Variants in MRPL1 observed in about 807,000 individuals in gnomAD.
MRPL1 encodes the protein mitochondrial ribosomal protein L1.
A neutral mutation model predicts 38.0 loss-of-function variants in MRPL1; 28 were observed. The ratio of observed to expected loss-of-function variants is 0.74; its 90% CI spans 0.55 to 1.01. MRPL1 has a LOEUF of 1.01. Among genes scored for constraint, MRPL1 ranks in the 50% least tolerant of loss-of-function variants. The probability of loss-of-function intolerance (pLI) is 0.00; values close to 1 mark genes in which losing one functional copy is unlikely to be tolerated. For missense variants in MRPL1, 358 were observed against 389.8 expected (o/e 0.92, Z 0.69); for synonymous variants, 123 against 126.7 (o/e 0.97, Z 0.20).
chr4:77,947,670 A>G (rs1737301636), intron 7 of MRPL1, among the ~76,000 whole-genome samples: 1 of 152,168 alleles, frequency 6.6e-6, no homozygotes, highest in Non-Finnish European at 1.5e-5. Context: ...TGTCATCCCA[A>G]ATGAATTTCG....
At position 77,885,302 on chromosome 4, in the gene MRPL1, T is replaced by G. The variant is rs1367573669; in HGVS notation, c.449T>G (p.Phe150Cys). 1.9e-6 allele frequency: 3 copies of G among 1,614,034 alleles called. No individual in the cohort carries two copies. Among genetic ancestry groups the G allele is most frequent in the Non-Finnish European group, 2.5e-6 (3 of 1,179,872 alleles). Residue 150 changes from phenylalanine to cysteine, a missense_variant, in exon 4 of 9, where the codon TTT (phenylalanine) becomes TGT (cysteine). Transcript: ENST00000315567. ...FTSVLSLPYP[F>C]ASEINKVAVF... ...AGTGTTCTTAGTTTGCCATACCCAT[T>G]TGCTTCCGAAATCAATAAAGTTGCT...
At chr4:77,914,143 A>G (rs998538477) in intron 7 of MRPL1, among the ~76,000 whole-genome samples, 15 of 152,256 alleles carry the variant, frequency 9.9e-5, no homozygotes, top group Non-Finnish European at 1.9e-4. Context: ...ATAAAAAAGA[A>G]TAAACTAAGG....
chr4:77,874,418 T>G (rs1307500205), intron 2 of MRPL1, among the ~76,000 whole-genome samples: 1 of 152,188 alleles, frequency 6.6e-6, no homozygotes. Context: ...TGAGGCACAT[T>G]TTTCTTTCCA....
chr4:77,908,683 C>T (rs368968017), intron 6 of MRPL1, among the ~76,000 whole-genome samples: 9 of 152,166 alleles, frequency 5.9e-5, no homozygotes, highest in African/African-American at 2.2e-4. Flanking sequence ...TTGCTTGAAA[C>T]AACACGCATT....
intron 7 of MRPL1, among the ~76,000 whole-genome samples, chr4:77,911,484 T>G (rs1736286694): frequency 6.6e-6 from 1 of 152,122 alleles, no homozygotes; most frequent in South Asian, 2.1e-4. Context: ...TTTTGAACAC[T>G]TAGTATTGCA....
chr4:77,918,681 T>C (rs1016799683), intron 7 of MRPL1, among the ~76,000 whole-genome samples: 49 of 151,932 alleles, frequency 3.2e-4, no homozygotes, highest in Admixed American at 3.1e-3. Context: ...GGGGAGAGAT[T>C]TGGGGAGAAA....
chr4:77,908,876 C>T (rs1368046262), intron 6 of MRPL1, among the ~76,000 whole-genome samples: 1 of 152,208 alleles, frequency 6.6e-6, no homozygotes. Flanking sequence ...CTGTAGGCTG[C>T]TGGACACAGG....
At chr4:77,916,185 T>A (rs1454736432) in intron 7 of MRPL1, among the ~76,000 whole-genome samples, 1 of 152,220 alleles carries the variant, frequency 6.6e-6, no homozygotes, top group African/African-American at 2.4e-5. Flanking sequence ...AGTAATTAAA[T>A]AATTTTAAAA....
chr4:77,880,864 A>G (rs1394562609), intron 2 of MRPL1, among the ~76,000 whole-genome samples: 1 of 152,180 alleles, frequency 6.6e-6, no homozygotes, highest in Non-Finnish European at 1.5e-5. Context: ...GGTTTGATGG[A>G]TATCTCTGAT....
chr4:77,946,551 T>C (rs1737275376), intron 7 of MRPL1, among the ~76,000 whole-genome samples: 1 of 152,222 alleles, frequency 6.6e-6, no homozygotes, highest in Non-Finnish European at 1.5e-5. Flanking sequence ...TCACAATTTA[T>C]GTTCAGAGAT....
chr4:77,921,772 GT>G (rs36001019), intron 7 of MRPL1, among the ~76,000 whole-genome samples: 25,879 of 143,738 alleles, frequency 0.18, 2,586 homozygotes, highest in African/African-American at 0.28. Context: ...TTCGTGCAGA[GT>G]TTTTTTTTTT....
chr4:77,862,969 C>A lies in MRPL1; in HGVS notation c.31+90C>A, dbSNP rs113848357. The A allele has an allele frequency of 2.4e-5, 36 of 1,492,478 alleles. 1 individual carries two copies. The African/African-American group carries it at 2.8e-4, about 12-fold the overall frequency. The allele number at this position is 1,492,478 out of a possible 1,614,324, so 92.5% of individuals were successfully genotyped here. ...TGCAAGGCGGATTCTGCTCTGGGTGCTGAAAATGCCTCGTGCTGTTTCTGG... is the reference window on the plus strand; with the variant it reads ...TGCAAGGCGGATTCTGCTCTGGGTGATGAAAATGCCTCGTGCTGTTTCTGG... On this transcript the variant is annotated intron_variant, in intron 1 of 8. Transcript: ENST00000315567.
chr4:77,903,940 G>A (rs1279619496), intron 6 of MRPL1, among the ~76,000 whole-genome samples: 1 of 151,994 alleles, frequency 6.6e-6, no homozygotes, highest in African/African-American at 2.4e-5. Context: ...AGAGAACCTA[G>A]AATGGAAAAA....
chr4:77,945,649 A>G (rs905376), intron 7 of MRPL1, among the ~76,000 whole-genome samples: 35,495 of 151,850 alleles, frequency 0.23, 5,230 homozygotes, highest in East Asian at 0.47. Context: ...AGAAATAAAG[A>G]GTATAAAGAG....
chr4:77,905,845 G>C (rs894263766), intron 6 of MRPL1, among the ~76,000 whole-genome samples: 1 of 152,074 alleles, frequency 6.6e-6, no homozygotes, highest in African/African-American at 2.4e-5. Context: ...TACATCATCA[G>C]TATGATATCA....
chr4:77,905,765 T>G (rs977036863), intron 6 of MRPL1, among the ~76,000 whole-genome samples: 2 of 152,176 alleles, frequency 1.3e-5, no homozygotes, highest in African/African-American at 4.8e-5. Context: ...GACCTTCACT[T>G]TAGTATGTTT....
intron 5 of MRPL1, among the ~76,000 whole-genome samples, chr4:77,889,324 C>A (rs188678436): frequency 5.3e-4 from 81 of 152,276 alleles, no homozygotes; most frequent in African/African-American, 1.9e-3. Context: ...AGGATTAAGA[C>A]ACTCACTCAA....
At chr4:77,895,218 TA>T (rs1261256048) in intron 6 of MRPL1, among the ~76,000 whole-genome samples, 2 of 152,114 alleles carry the variant, frequency 1.3e-5, no homozygotes, top group African/African-American at 2.4e-5. Context: ...TAATTGAAAC[TA>T]GAGACAGGGA....
At chr4:77,923,247 C>A (rs1736622508) in intron 7 of MRPL1, among the ~76,000 whole-genome samples, 1 of 151,924 alleles carries the variant, frequency 6.6e-6, no homozygotes, top group Admixed American at 6.6e-5. Flanking sequence ...AGGTGCGCAC[C>A]ACCATACCTG....
Sources: allele counts gnomAD v4.1 joint callset (sites outside exome capture counted in the v4.1 genomes callset), GRCh38; gene constraint gnomAD v4.1.1; transcripts MANE v1.5; gene names NCBI Gene and HGNC (gene_info 2026-07-23, HGNC 2026-07-21).